FBXW7: variants seen among roughly 807,000 people sequenced by gnomAD.
The protein encoded by FBXW7 is F-box and WD repeat domain containing 7.
Under a neutral mutation model 86.3 loss-of-function variants are expected in FBXW7, and 11 were observed. The observed-to-expected ratio is 0.13, with a 90% confidence interval of 0.08 to 0.21. The LOEUF is 0.21. Among genes scored for constraint, FBXW7 ranks in the 10% least tolerant of loss-of-function variants. The probability of loss-of-function intolerance (pLI) is 1.00; values close to 1 mark genes in which losing one functional copy is unlikely to be tolerated. For synonymous variants in FBXW7, 313 were observed against 297.9 expected, an observed-to-expected ratio of 1.05 and a Z score of -0.52; for missense variants, 488 against 847.4, an observed-to-expected ratio of 0.58 and a Z score of 5.27.
intron 2 of FBXW7, among the ~76,000 whole-genome samples, chr4:152,531,029 A>G (rs781441066): frequency 2.0e-5 from 3 of 152,214 alleles, no homozygotes; most frequent in South Asian, 2.1e-4. Context: ...GAGCCTATGC[A>G]TGGCCTTTGG....
At chr4:152,326,352 T>A (rs988537768) in intron 11 of FBXW7, 121 bp from the exon 12 acceptor site, 135 of 665,574 alleles carry the variant, frequency 2.0e-4, no homozygotes, top group Middle Eastern at 3.2e-4. Context: ...TTTTTTTTTT[T>A]ACACAGCAAC....
intron 2 of FBXW7, among the ~76,000 whole-genome samples, chr4:152,418,151 A>C (rs1024499435): frequency 1.3e-5 from 2 of 151,956 alleles, no homozygotes; most frequent in Non-Finnish European, 2.9e-5. Flanking sequence ...ACACACACAC[A>C]CACACACACA....
chr4:152,486,907 G>A (rs1283450543), intron 2 of FBXW7, among the ~76,000 whole-genome samples: 2 of 152,010 alleles, frequency 1.3e-5, no homozygotes, highest in Admixed American at 6.6e-5. Context: ...TGGTTGTGAC[G>A]TTAGTCCTAA....
At chr4:152,439,641 C>G (rs190982010) in intron 2 of FBXW7, among the ~76,000 whole-genome samples, 2,081 of 151,906 alleles carry the variant, frequency 0.014, 26 homozygotes, top group Middle Eastern at 0.037. Flanking sequence ...TGAGGCGGGC[C>G]GATCACGAGG....
At chr4:152,475,597 T>C (rs1237801090) in intron 2 of FBXW7, among the ~76,000 whole-genome samples, 1 of 152,256 alleles carries the variant, frequency 6.6e-6, no homozygotes, top group Non-Finnish European at 1.5e-5. Flanking sequence ...AAACAGCCTT[T>C]ATTCAAAAGC....
At chr4:152,507,775 G>A (rs1324106924) in intron 2 of FBXW7, among the ~76,000 whole-genome samples, 1 of 152,160 alleles carries the variant, frequency 6.6e-6, no homozygotes, top group Non-Finnish European at 1.5e-5. Flanking sequence ...CTTCTGACCA[G>A]GTGTGGTGGT....
At chr4:152,431,702 T>C (rs115238918) in intron 2 of FBXW7, among the ~76,000 whole-genome samples, 538 of 152,268 alleles carry the variant, frequency 3.5e-3, no homozygotes, top group Non-Finnish European at 6.0e-3. Flanking sequence ...TATCAAGCAG[T>C]AGTAAATGAA....
chr4:152,436,460 C>A (rs1740395700), intron 2 of FBXW7, among the ~76,000 whole-genome samples: 1 of 152,228 alleles, frequency 6.6e-6, no homozygotes, highest in East Asian at 1.9e-4. Context: ...CAAGGTAAAG[C>A]AGCAAATGCT....
At chr4:152,348,517 A>G (rs577165742) in intron 5 of FBXW7, among the ~76,000 whole-genome samples, 1 of 152,202 alleles carries the variant, frequency 6.6e-6, no homozygotes, top group Admixed American at 6.5e-5. Context: ...AAAATTATAT[A>G]TTAACAGGCT....
intron 2 of FBXW7, among the ~76,000 whole-genome samples, chr4:152,450,737 CAT>C (rs1224914387): frequency 2.0e-5 from 3 of 152,272 alleles, no homozygotes; most frequent in East Asian, 1.9e-4. Context: ...ATAAATAAAT[CAT>C]GTGTCTAATA....
intron 2 of FBXW7, among the ~76,000 whole-genome samples, chr4:152,457,588 G>A (rs1456489013): frequency 6.8e-6 from 1 of 146,098 alleles, no homozygotes; most frequent in Non-Finnish European, 1.5e-5. Flanking sequence ...AGCTTGCAGT[G>A]AGCTGAGATC....
chr4:152,470,382 C>G (rs931188121), intron 2 of FBXW7, among the ~76,000 whole-genome samples: 1 of 152,052 alleles, frequency 6.6e-6, no homozygotes, highest in African/African-American at 2.4e-5. Flanking sequence ...GTAACACATT[C>G]TGGTATCTAG....
intron 2 of FBXW7, among the ~76,000 whole-genome samples, chr4:152,434,962 C>T (rs996130987): frequency 1.3e-5 from 2 of 150,954 alleles, no homozygotes; most frequent in African/African-American, 4.9e-5. Context: ...CCCCGCTCCC[C>T]CCCCCCCACA....
At chr4:152,457,450 G>T (rs1318442061) in intron 2 of FBXW7, among the ~76,000 whole-genome samples, 1 of 152,050 alleles carries the variant, frequency 6.6e-6, no homozygotes, top group Non-Finnish European at 1.5e-5. Context: ...AGACCATCCT[G>T]GCTAACACGG....
Position 152,535,317 on chromosome 4 carries a change from G to A in FBXW7, c.-403C>T, listed in dbSNP as rs1424907628. Reference sequence around the variant, plus strand: ...CCTCGGGACTGGGGCGGGGGAGGGGGGCTCTAGGAACTCCTCCCGGAGTCC... The same window carrying A: ...CCTCGGGACTGGGGCGGGGGAGGGGAGCTCTAGGAACTCCTCCCGGAGTCC... On this transcript the variant is annotated 5_prime_UTR_variant, in exon 1 of 14. Transcript: ENST00000281708. The A allele has an allele frequency of 1.5e-5, 5 of 327,024 alleles. No homozygotes were observed. Among genetic ancestry groups the A allele is most frequent in the Non-Finnish European group, 2.8e-5 (5 of 180,650 alleles). The allele number at this position is 327,024 out of a possible 1,614,324, so 20.3% of individuals were successfully genotyped here. A position where few individuals can be genotyped will look rare whatever the true frequency, so the allele number is the denominator to read the frequency against.
intron 4 of FBXW7, among the ~76,000 whole-genome samples, chr4:152,382,732 T>A (rs1431774768): frequency 6.6e-6 from 1 of 152,124 alleles, no homozygotes; most frequent in East Asian, 1.9e-4. Flanking sequence ...AAATTTTTAC[T>A]TACAAAAATA....
intron 4 of FBXW7, chr4:152,352,543 C>A (rs1251817035): frequency 6.2e-7 from 1 of 1,613,868 alleles, no homozygotes; most frequent in East Asian, 2.2e-5. Context: ...TGATTCTGTG[C>A]CCCCGTGTGT....
At chr4:152,490,905 A>C (rs1422191560) in intron 2 of FBXW7, among the ~76,000 whole-genome samples, 1 of 152,166 alleles carries the variant, frequency 6.6e-6, no homozygotes, top group Non-Finnish European at 1.5e-5. Flanking sequence ...ACAAGCTCTT[A>C]AAGATCGCTG....
At chr4:152,453,149 A>AC (rs1401997922) in intron 2 of FBXW7, among the ~76,000 whole-genome samples, 2 of 152,202 alleles carry the variant, frequency 1.3e-5, no homozygotes, top group Non-Finnish European at 2.9e-5. Flanking sequence ...GCACCATTGC[A>AC]CTCCAGCCTG....
Sources: allele counts gnomAD v4.1 joint callset (sites outside exome capture counted in the v4.1 genomes callset), GRCh38; gene constraint gnomAD v4.1.1; transcripts MANE v1.5; gene names NCBI Gene and HGNC (gene_info 2026-07-23, HGNC 2026-07-21).